The following PHACTR1 variants were observed in gnomAD, a reference collection of about 807,000 sequenced individuals.
PHACTR1 encodes phosphatase and actin regulator 1, also known as RPEL repeat containing 1.
A neutral mutation model predicts 69.2 loss-of-function variants in PHACTR1; 16 were observed. That is an observed-to-expected ratio of 0.23 (90% CI 0.16 to 0.35). PHACTR1 has a LOEUF of 0.35. Ranked by LOEUF, PHACTR1 falls within the 10% of genes least tolerant of loss-of-function variation. The probability of loss-of-function intolerance (pLI) is 1.00; values close to 1 mark genes in which losing one functional copy is unlikely to be tolerated. For synonymous variants in PHACTR1, 312 were observed against 284.5 expected, an observed-to-expected ratio of 1.10 and a Z score of -0.97; for missense variants, 510 against 734.7, an observed-to-expected ratio of 0.69 and a Z score of 3.54.
chr6:13,286,760 G>T (rs989971306), intron 14 of PHACTR1, among the ~76,000 whole-genome samples: 12 of 152,214 alleles, frequency 7.9e-5, no homozygotes. Flanking sequence ...CTTTCTTTTG[G>T]GGGGAACATT....
At chr6:13,174,250 A>G (rs959673280) in intron 6 of PHACTR1, among the ~76,000 whole-genome samples, 1 of 152,244 alleles carries the variant, frequency 6.6e-6, no homozygotes, top group Non-Finnish European at 1.5e-5. Context: ...TCTCAGAGAG[A>G]AAAGGCAATT....
intron 4 of PHACTR1, among the ~76,000 whole-genome samples, chr6:12,993,606 A>G (rs1386255326): frequency 6.6e-6 from 1 of 152,230 alleles, no homozygotes; most frequent in Non-Finnish European, 1.5e-5. Context: ...GCCCATAGAT[A>G]AATCTGGAAA....
intron 4 of PHACTR1, among the ~76,000 whole-genome samples, chr6:12,866,395 C>A (rs1176079615): frequency 1.3e-5 from 2 of 152,134 alleles, no homozygotes; most frequent in Non-Finnish European, 2.9e-5. Context: ...CTCTCCCCAC[C>A]CTTCCACCCA....
chr6:13,021,874 T>C (rs1801025194), intron 4 of PHACTR1, among the ~76,000 whole-genome samples: 1 of 152,226 alleles, frequency 6.6e-6, no homozygotes, highest in Admixed American at 6.5e-5. Flanking sequence ...TGTATCTTAT[T>C]TCCTTGTGGT....
chr6:13,227,395 AC>A (rs1407508734), intron 8 of PHACTR1, among the ~76,000 whole-genome samples: 1 of 151,998 alleles, frequency 6.6e-6, no homozygotes, highest in African/African-American at 2.4e-5. Context: ...TTAATCCTTT[AC>A]CCTTGCTTTT....
intron 4 of PHACTR1, among the ~76,000 whole-genome samples, chr6:12,845,927 C>A (rs1212924370): frequency 2.0e-5 from 3 of 152,188 alleles, no homozygotes; most frequent in Admixed American, 2.0e-4. Context: ...ATTTCATGCA[C>A]CTGCTGAAAG....
intron 3 of PHACTR1, among the ~76,000 whole-genome samples, chr6:12,725,641 G>C (rs981774874): frequency 3.3e-5 from 5 of 152,164 alleles, no homozygotes; most frequent in Non-Finnish European, 5.9e-5. Flanking sequence ...AATTAAGTGA[G>C]GTATGCCTAT....
At chr6:13,237,986 T>G (rs1772263169) in intron 10 of PHACTR1, among the ~76,000 whole-genome samples, 1 of 152,246 alleles carries the variant, frequency 6.6e-6, no homozygotes, top group Admixed American at 6.5e-5. Flanking sequence ...TGCATGACTT[T>G]ACTTATTTGT....
intron 4 of PHACTR1, among the ~76,000 whole-genome samples, chr6:12,801,362 G>T (rs6916334): frequency 0.37 from 56,412 of 151,972 alleles, 11,266 homozygotes; most frequent in African/African-American, 0.5. Context: ...CCACATACTT[G>T]CTTGAGCAAA....
At position 12,801,010 on chromosome 6, in the gene PHACTR1, T is replaced by C. The variant is rs150713828; in HGVS notation, c.250+51220T>C. 1.8e-3 allele frequency among the ~76,000 whole-genome samples: 279 copies of C among 152,302 alleles called. 2 individuals are homozygous for C. Among genetic ancestry groups the C allele is most frequent in the African/African-American group, 6.5e-3 (272 of 41,570 alleles). ...TAATTTTTTAAATAACATGAAGTTATTGGGAAAACAGTACAGTATATGGTA... is the reference window on the plus strand; with the variant it reads ...TAATTTTTTAAATAACATGAAGTTACTGGGAAAACAGTACAGTATATGGTA... On this transcript the variant is annotated intron_variant, in intron 4 of 14. Transcript: ENST00000332995.
At chr6:12,812,891 T>C (rs914947442) in intron 4 of PHACTR1, among the ~76,000 whole-genome samples, 2 of 152,164 alleles carry the variant, frequency 1.3e-5, no homozygotes, top group African/African-American at 4.8e-5. Flanking sequence ...GGCCTGGCAA[T>C]CCTCAGAGAA....
At chr6:12,858,311 C>A (rs1193735316) in intron 4 of PHACTR1, among the ~76,000 whole-genome samples, 1 of 152,178 alleles carries the variant, frequency 6.6e-6, no homozygotes, top group Non-Finnish European at 1.5e-5. Context: ...GCTGATTACA[C>A]TCTCAAAAGG....
At position 13,102,134 on chromosome 6, in the gene PHACTR1, A is replaced by T. The variant is rs578185567; in HGVS notation, c.415+48605A>T. Among the ~76,000 whole-genome samples the T allele has an allele frequency of 2.6e-5, 4 of 152,334 alleles. No homozygotes were observed. The South Asian group carries it at 8.3e-4, about 32-fold the overall frequency. On this transcript the variant is annotated intron_variant, in intron 5 of 14. Coordinates refer to ENST00000332995, the MANE Select transcript of PHACTR1 (RefSeq NM_030948.6). ...CCCAGAGCTTCACCTCTGTAATTAG[A>T]ATAGCACTTTTCTTTGTTTTCCCAG...
chr6:12,742,396 A>C lies in PHACTR1; in HGVS notation c.104-7248A>C, dbSNP rs535331283. ...TTTAGCACGCTAATTCATTATAATT[A>C]GCGCATAATGAGAAGTGAGGACAAC... On this transcript the variant is annotated intron_variant, in intron 3 of 14. Coordinates refer to ENST00000332995, the MANE Select transcript of PHACTR1 (RefSeq NM_030948.6). Among the ~76,000 whole-genome samples the C allele has an allele frequency of 2.0e-5, 3 of 152,212 alleles. No individual in the cohort carries two copies. The South Asian group carries it at 6.2e-4, about 32-fold the overall frequency.
At chr6:12,877,759 C>T (rs187611337) in intron 4 of PHACTR1, among the ~76,000 whole-genome samples, 1 of 152,224 alleles carries the variant, frequency 6.6e-6, no homozygotes, top group Non-Finnish European at 1.5e-5. Flanking sequence ...GACACTTTCT[C>T]TAATTCCCCC....
intron 4 of PHACTR1, among the ~76,000 whole-genome samples, chr6:12,858,430 T>C (rs980718455): frequency 6.6e-6 from 1 of 152,212 alleles, no homozygotes; most frequent in Non-Finnish European, 1.5e-5. Flanking sequence ...TCTGTCAACA[T>C]AGCAATAATG....
intron 5 of PHACTR1, among the ~76,000 whole-genome samples, chr6:13,063,167 A>T (rs2127755739): frequency 6.6e-6 from 1 of 152,332 alleles, no homozygotes; most frequent in East Asian, 1.9e-4. Context: ...ATTGTTCATA[A>T]GAAGTCCATA....
intron 4 of PHACTR1, among the ~76,000 whole-genome samples, chr6:12,794,679 C>T (rs988051208): frequency 2.6e-5 from 4 of 152,148 alleles, no homozygotes; most frequent in Non-Finnish European, 5.9e-5. Context: ...CCTTGAAATT[C>T]GATGTGCGTC....
intron 6 of PHACTR1, among the ~76,000 whole-genome samples, chr6:13,177,377 CTCTCTA>C (rs770102825): frequency 2.9e-4 from 38 of 131,694 alleles, no homozygotes; most frequent in Admixed American, 1.0e-3. Flanking sequence ...CTCTCTCTCT[CTCTCTA>C]TATATATATA....
Sources: allele counts gnomAD v4.1 joint callset (sites outside exome capture counted in the v4.1 genomes callset), GRCh38; gene constraint gnomAD v4.1.1; transcripts MANE v1.5; gene names NCBI Gene and HGNC (gene_info 2026-07-23, HGNC 2026-07-21).